HPSE2: variants seen among roughly 807,000 people sequenced by gnomAD.
The protein encoded by HPSE2 is heparanase 2 (inactive).
In HPSE2, 38 loss-of-function variants were observed where a neutral mutation model predicts 60.5. The ratio of observed to expected loss-of-function variants is 0.63; its 90% confidence interval spans 0.48 to 0.82. The LOEUF is 0.82. HPSE2 is among the 40% of genes least tolerant of loss of function. The probability of loss-of-function intolerance (pLI) is 0.00; values close to 1 mark genes in which losing one functional copy is unlikely to be tolerated. For synonymous variants in HPSE2, 295 were observed against 293.2 expected (o/e 1.01, Z -0.06); for missense variants, 713 against 740.4 (o/e 0.96, Z 0.43).
chr10:98,890,722 G>A (rs1953310777), intron 3 of HPSE2, among the ~76,000 whole-genome samples: 1 of 152,112 alleles, frequency 6.6e-6, no homozygotes, highest in African/African-American at 2.4e-5. Context: ...TAACTCCCTT[G>A]GGGTTGTAAA....
At chr10:99,133,580 G>A (rs148911869) in intron 3 of HPSE2, among the ~76,000 whole-genome samples, 2,001 of 152,248 alleles carry the variant, frequency 0.013, 17 homozygotes, top group Non-Finnish European at 0.022. Context: ...GCCTCTGCTG[G>A]TGATACCCAG....
intron 3 of HPSE2, among the ~76,000 whole-genome samples, chr10:99,140,667 G>T (rs1379695573): frequency 6.6e-6 from 1 of 152,128 alleles, no homozygotes; most frequent in Non-Finnish European, 1.5e-5. Context: ...TACCTCAAGG[G>T]GAGGGAGCAA....
intron 3 of HPSE2, among the ~76,000 whole-genome samples, chr10:98,792,145 T>C (rs980167310): frequency 2.0e-5 from 3 of 152,092 alleles, no homozygotes; most frequent in African/African-American, 7.2e-5. Context: ...CCTGTGCTTA[T>C]TGTTTCAGGT....
At chr10:99,268,884 G>A in the HPSE2 span, among the ~76,000 whole-genome samples, 1 of 152,068 alleles carries the variant, frequency 6.6e-6, no homozygotes, top group African/African-American at 2.4e-5. Context: ...GCCAGGCATG[G>A]TGGCTCACGC....
intron 9 of HPSE2, among the ~76,000 whole-genome samples, chr10:98,513,330 C>T (rs1464257595): frequency 6.6e-6 from 1 of 152,156 alleles, no homozygotes; most frequent in Non-Finnish European, 1.5e-5. Context: ...TGGGAGGAGG[C>T]ATTAGCTCAG....
rs1941580487 is a variant in HPSE2, at chr10:98,489,918, G to A, written c.1466+133C>T. On this transcript the variant is annotated intron_variant, in intron 10 of 11. Transcript: ENST00000370552. The stretch of plus-strand genomic sequence containing the variant: ...AGAAATTATTTGAAACCTCCAAAGA[G>A]CAGGTATGGTGATTCCAGAGGCAAA... 3 of 915,224 alleles carry A rather than the reference G, an allele frequency of 3.3e-6. No homozygotes were observed. In the East Asian group the frequency reaches 7.2e-5, roughly 22 times the overall value. The allele number at this position is 915,224 out of a possible 1,614,324, so 56.7% of individuals were successfully genotyped here.
At chr10:99,161,286 CA>C (rs1231177624) in intron 2 of HPSE2, among the ~76,000 whole-genome samples, 1 of 150,274 alleles carries the variant, frequency 6.7e-6, no homozygotes, top group African/African-American at 2.4e-5. Flanking sequence ...CCAAAACTGG[CA>C]ACAGCCCAAA....
In HPSE2 at chr10:99,096,696, G is replaced by GT. The variant is rs5787321; in HGVS notation, c.610+47541dup. On this transcript the variant is annotated intron_variant, in intron 3 of 11. Coordinates refer to ENST00000370552, the MANE Select transcript of HPSE2 (RefSeq NM_021828.5). ...TGTGGAAATTGAGCTAAATTGTTGT[G>GT]TTTTTTTTTTTCCTATTTTCCCACA... Among the ~76,000 whole-genome samples, 341 of 149,504 alleles carry GT rather than the reference G, an allele frequency of 2.3e-3. 1 individual carries two copies. Among genetic ancestry groups the GT allele is most frequent in the Admixed American group, 5.3e-3 (79 of 14,998 alleles).
intron 6 of HPSE2, among the ~76,000 whole-genome samples, chr10:98,674,803 T>C (rs1355472437): frequency 6.6e-6 from 1 of 152,056 alleles, no homozygotes; most frequent in African/African-American, 2.4e-5. Context: ...GGGCCTGTAA[T>C]CTCAGCTACT....
chr10:98,989,954 A>G (rs1041267692), intron 3 of HPSE2, among the ~76,000 whole-genome samples: 3 of 152,048 alleles, frequency 2.0e-5, no homozygotes, highest in African/African-American at 7.2e-5. Flanking sequence ...TTTTTTACTC[A>G]TTTTGCCTAG....
Position 99,130,658 on chromosome 10 carries a change from A to G in HPSE2, c.610+13580T>C, listed in dbSNP as rs529004613. 2.6e-5 allele frequency among the ~76,000 whole-genome samples: 4 copies of G among 152,304 alleles called. No homozygotes were observed. In the East Asian group the frequency reaches 5.8e-4, roughly 22 times the overall value. Reference sequence around the variant, plus strand: ...GGGAGGGGGGCGTCTAGTTAAAACAATTTTACAGAAGTAAAGTAGTCAAAA... The same window carrying G: ...GGGAGGGGGGCGTCTAGTTAAAACAGTTTTACAGAAGTAAAGTAGTCAAAA... On this transcript the variant is annotated intron_variant, in intron 3 of 11. Coordinates refer to ENST00000370552, the MANE Select transcript of HPSE2 (RefSeq NM_021828.5).
chr10:98,942,032 G>A (rs1955022423), intron 3 of HPSE2, among the ~76,000 whole-genome samples: 1 of 143,374 alleles, frequency 7.0e-6, no homozygotes, highest in South Asian at 2.1e-4. Flanking sequence ...GCCATAGGTA[G>A]AAAGCTGAAA....
At chr10:99,135,730 T>G (rs1845621087) in intron 3 of HPSE2, among the ~76,000 whole-genome samples, 1 of 152,178 alleles carries the variant, frequency 6.6e-6, no homozygotes, top group Non-Finnish European at 1.5e-5. Context: ...TAACACTAAA[T>G]GCCCACAAGA....
intron 3 of HPSE2, among the ~76,000 whole-genome samples, chr10:98,894,829 T>A (rs534843103): frequency 6.6e-6 from 1 of 150,680 alleles, no homozygotes; most frequent in African/African-American, 2.4e-5. Flanking sequence ...CACCAAGACA[T>A]AGTGAAAATA....
chr10:99,268,159 A>G, the HPSE2 span, among the ~76,000 whole-genome samples: 1 of 152,212 alleles, frequency 6.6e-6, no homozygotes, highest in Admixed American at 6.5e-5. Context: ...GCCTCCTTAA[A>G]TGAAACAATT....
chr10:98,506,924 T>C (rs1942221426), intron 9 of HPSE2, among the ~76,000 whole-genome samples: 1 of 152,122 alleles, frequency 6.6e-6, no homozygotes, highest in East Asian at 1.9e-4. Flanking sequence ...TTTACTCCCA[T>C]CCCCAATTCA....
At chr10:98,579,838 TCA>T (rs1944743818) in intron 9 of HPSE2, among the ~76,000 whole-genome samples, 1 of 152,254 alleles carries the variant, frequency 6.6e-6, no homozygotes, top group Non-Finnish European at 1.5e-5. Flanking sequence ...TATCATGTTC[TCA>T]GTTTTTCCCC....
chr10:98,723,038 G>C (rs1970252), intron 4 of HPSE2, among the ~76,000 whole-genome samples: 3,078 of 152,246 alleles, frequency 0.02, 123 homozygotes, highest in East Asian at 0.17. Flanking sequence ...TCTCTGTCTT[G>C]TGCCAGTTTT....
chr10:98,470,137 G>A (rs2133603539), intron 11 of HPSE2, among the ~76,000 whole-genome samples: 1 of 151,086 alleles, frequency 6.6e-6, no homozygotes. Flanking sequence ...ATGCACACAT[G>A]TTAACACACG....
Sources: allele counts gnomAD v4.1 joint callset (sites outside exome capture counted in the v4.1 genomes callset), GRCh38; gene constraint gnomAD v4.1.1; transcripts MANE v1.5; gene names NCBI Gene and HGNC (gene_info 2026-07-23, HGNC 2026-07-21).